The following VPS54 variants were observed in gnomAD, a reference collection of about 807,000 sequenced individuals.
The protein encoded by VPS54 is VPS54 subunit of GARP complex.
In VPS54, 45 loss-of-function variants were observed where a neutral mutation model predicts 121.5. The ratio of observed to expected loss-of-function variants is 0.37; its 90% CI spans 0.29 to 0.47. The LOEUF (loss-of-function observed/expected upper bound fraction) is 0.47. VPS54 is among the 20% of genes least tolerant of loss of function. The pLI is 0.99. For missense variants in VPS54, 1,090 were observed against 1,131.4 expected, an observed-to-expected ratio of 0.96 and a Z score of 0.52; for synonymous variants, 371 against 385.8, an observed-to-expected ratio of 0.96 and a Z score of 0.45.
intron 1 of VPS54, among the ~76,000 whole-genome samples, chr2:63,995,151 C>T (rs1677521055): frequency 2.0e-5 from 3 of 152,228 alleles, no homozygotes; most frequent in Admixed American, 2.0e-4. Flanking sequence ...GTTGTCCCTG[C>T]TACCGTCCCC....
chr2:63,912,639 C>T lies in VPS54; in HGVS notation c.2445G>A (p.Gln815=), dbSNP rs767793672. Residue 815 remains glutamine, a synonymous_variant, in exon 19 of 23, where the codon CAG becomes CAA. Coordinates refer to ENST00000272322, the MANE Select transcript of VPS54 (RefSeq NM_016516.3). ...KNLALSSRCL[Q]LIVHYIPVIR... ...TCACAGGAATGTAGTGCACAATTAA[C>T]TGCAAACATCGTGAAGAAAGAGCTG... 5 of 1,575,308 alleles carry T rather than the reference C, an allele frequency of 3.2e-6. No individual in the cohort carries two copies. Among genetic ancestry groups the T allele is most frequent in the Non-Finnish European group, 4.3e-6 (5 of 1,170,344 alleles).
At chr2:63,924,564 C>T (rs1189670784) in intron 12 of VPS54, among the ~76,000 whole-genome samples, 1 of 152,094 alleles carries the variant, frequency 6.6e-6, no homozygotes, top group African/African-American at 2.4e-5. Flanking sequence ...TGGTGGTTCA[C>T]GCCTAGCACT....
At chr2:63,990,835 CT>C (rs1677283884) in intron 1 of VPS54, among the ~76,000 whole-genome samples, 1 of 152,178 alleles carries the variant, frequency 6.6e-6, no homozygotes. Context: ...TTAATCTTAG[CT>C]TTTTAAAAGA....
intron 1 of VPS54, among the ~76,000 whole-genome samples, chr2:64,016,312 T>C (rs538552001): frequency 3.9e-5 from 6 of 152,304 alleles, no homozygotes; most frequent in Admixed American, 3.3e-4. Flanking sequence ...ACTTTTAATA[T>C]TGGTGATCAG....
chr2:63,950,067 C>T (rs997991690), intron 7 of VPS54, among the ~76,000 whole-genome samples: 1 of 152,200 alleles, frequency 6.6e-6, no homozygotes. Flanking sequence ...TACCTATTAG[C>T]TGTTGAATTT....
chr2:63,917,500 G>A (rs906320800), intron 15 of VPS54, among the ~76,000 whole-genome samples: 3 of 152,054 alleles, frequency 2.0e-5, no homozygotes, highest in Non-Finnish European at 4.4e-5. Context: ...TTCAGCATGT[G>A]ATATTTCTTT....
chr2:63,960,609 T>C (rs536376983), intron 7 of VPS54, among the ~76,000 whole-genome samples: 1 of 152,302 alleles, frequency 6.6e-6, no homozygotes, highest in South Asian at 2.1e-4. Flanking sequence ...ATCTATGGGA[T>C]ACTGGCTCCC....
intron 22 of VPS54, among the ~76,000 whole-genome samples, chr2:63,896,915 G>A (rs1203344356): frequency 6.6e-6 from 1 of 152,020 alleles, no homozygotes; most frequent in Admixed American, 6.5e-5. Context: ...TAAGCTGAGG[G>A]GGAGTAAGTG....
At chr2:63,943,810 G>T (rs72808248) in intron 10 of VPS54, among the ~76,000 whole-genome samples, 26,006 of 148,890 alleles carry the variant, frequency 0.17, 3,015 homozygotes, top group Non-Finnish European at 0.24. Context: ...CTGAAGCCTG[G>T]ACCTCCCAGG....
At chr2:63,994,048 C>G (rs190996638) in intron 1 of VPS54, among the ~76,000 whole-genome samples, 11 of 152,110 alleles carry the variant, frequency 7.2e-5, no homozygotes, top group East Asian at 3.9e-4. Context: ...AAAAGACGTC[C>G]GCGTCAAAAA....
chr2:64,017,529 A>G (rs930169423), intron 1 of VPS54, among the ~76,000 whole-genome samples: 4 of 152,218 alleles, frequency 2.6e-5, no homozygotes, highest in Non-Finnish European at 5.9e-5. Flanking sequence ...GTAAACTTTT[A>G]GTATTAAATT....
intron 11 of VPS54, among the ~76,000 whole-genome samples, chr2:63,936,162 C>T (rs1674442674): frequency 6.6e-6 from 1 of 152,030 alleles, no homozygotes; most frequent in African/African-American, 2.4e-5. Flanking sequence ...TACTTCATTC[C>T]TTTTAATAAC....
intron 12 of VPS54, among the ~76,000 whole-genome samples, chr2:63,925,401 T>C (rs1673850439): frequency 1.3e-5 from 2 of 152,066 alleles, no homozygotes; most frequent in African/African-American, 2.4e-5. Flanking sequence ...AGATGTGGAG[T>C]GACACAAACT....
At chr2:63,983,417 G>A (rs186195796) in intron 2 of VPS54, among the ~76,000 whole-genome samples, 165 of 149,296 alleles carry the variant, frequency 1.1e-3, no homozygotes, top group African/African-American at 3.2e-3. Flanking sequence ...GATTACAGGC[G>A]TGAGCCACCA....
At chr2:63,987,040 T>A (rs1677086171) in intron 1 of VPS54, among the ~76,000 whole-genome samples, 1 of 152,368 alleles carries the variant, frequency 6.6e-6, no homozygotes, top group South Asian at 2.1e-4. Flanking sequence ...ACTTTGTTGT[T>A]TCCTTTGCTG....
chr2:63,995,183 T>TC (rs966742075), intron 1 of VPS54, among the ~76,000 whole-genome samples: 1 of 152,226 alleles, frequency 6.6e-6, no homozygotes, highest in Non-Finnish European at 1.5e-5. Context: ...TCAACGTAGA[T>TC]CCAGACATTC....
intron 12 of VPS54, among the ~76,000 whole-genome samples, chr2:63,923,304 A>AG (rs756819803): frequency 1.3e-5 from 2 of 151,452 alleles, no homozygotes; most frequent in African/African-American, 2.4e-5. Flanking sequence ...CAAAGGAGTG[A>AG]GGAAAAAAAA....
intron 10 of VPS54, 107 bp from the exon 11 acceptor site, chr2:63,942,668 C>T: frequency 2.3e-6 from 2 of 873,910 alleles, no homozygotes; most frequent in Non-Finnish European, 1.7e-6. Flanking sequence ...TGATAAAATG[C>T]AATTTCATCT....
chr2:63,931,016 G>A (rs1004266904), intron 12 of VPS54, among the ~76,000 whole-genome samples: 1 of 152,110 alleles, frequency 6.6e-6, no homozygotes, highest in Non-Finnish European at 1.5e-5. Context: ...AATAAGAGAG[G>A]ACACAAACAA....
Sources: allele counts gnomAD v4.1 joint callset (sites outside exome capture counted in the v4.1 genomes callset), GRCh38; gene constraint gnomAD v4.1.1; transcripts MANE v1.5; gene names NCBI Gene and HGNC (gene_info 2026-07-23, HGNC 2026-07-21).